TAF4B: variants seen among roughly 807,000 people sequenced by gnomAD.
TAF4B encodes the protein TATA-box binding protein associated factor 4b.
Under a neutral mutation model 86.4 loss-of-function variants are expected in TAF4B, and 38 were observed. The ratio of observed to expected loss-of-function variants is 0.44; its 90% CI spans 0.34 to 0.58. The LOEUF is 0.58. TAF4B is among the 20% of genes least tolerant of loss of function. The probability of loss-of-function intolerance (pLI) is 0.02; values close to 1 mark genes in which losing one functional copy is unlikely to be tolerated. For synonymous variants in TAF4B, 388 were observed against 391.2 expected, an observed-to-expected ratio of 0.99 and a Z score of 0.10; for missense variants, 988 against 1,027.6, an observed-to-expected ratio of 0.96 and a Z score of 0.53.
intron 7 of TAF4B, among the ~76,000 whole-genome samples, chr18:26,288,759 T>C (rs2056557495): frequency 6.6e-6 from 1 of 152,228 alleles, no homozygotes; most frequent in Non-Finnish European, 1.5e-5. Flanking sequence ...TGGAATGTCC[T>C]GAAGCAGGAA....
Position 26,362,102 on chromosome 18 carries a change from A to G in TAF4B, c.2421+4308A>G, listed in dbSNP as rs140163687. ...TTAAATGTTTGCTTTGTGAGAAATC[A>G]TCAGAGCACATGGGATAAGTATATG... On this transcript the variant is annotated intron_variant, in intron 14 of 14. Transcript: ENST00000269142. Among the ~76,000 whole-genome samples, 310 of 152,334 alleles carry G rather than the reference A, an allele frequency of 2.0e-3. 2 individuals carry two copies. Among genetic ancestry groups the G allele is most frequent in the African/African-American group, 7.3e-3 (302 of 41,592 alleles).
chr18:26,275,188 C>T (rs1043833779), intron 5 of TAF4B, 135 bp downstream of exon 5: 20 of 1,031,940 alleles, frequency 1.9e-5, no homozygotes, highest in Non-Finnish European at 2.5e-5. Flanking sequence ...CAGAGTCTCG[C>T]TCTGTTGCCC....
At chr18:26,262,076 A>G (rs1004211522) in intron 1 of TAF4B, among the ~76,000 whole-genome samples, 11 of 152,332 alleles carry the variant, frequency 7.2e-5, no homozygotes, top group African/African-American at 9.6e-5. Flanking sequence ...TTGAGGTCCA[A>G]GTGTTCCCAG....
intron 1 of TAF4B, among the ~76,000 whole-genome samples, chr18:26,263,997 A>C (rs2056205004): frequency 6.6e-6 from 1 of 152,222 alleles, no homozygotes; most frequent in African/African-American, 2.4e-5. Flanking sequence ...TACCCAAAAG[A>C]AAGAAGCTGA....
At chr18:26,265,414 C>T in intron 2 of TAF4B, 99 bp downstream of exon 2, 1 of 1,354,280 alleles carries the variant, frequency 7.4e-7, no homozygotes. Context: ...TAATGTAAGA[C>T]ATGATTCTAT....
At chr18:26,364,337 GTCCTT>G (rs938747034) in intron 14 of TAF4B, among the ~76,000 whole-genome samples, 3 of 152,242 alleles carry the variant, frequency 2.0e-5, no homozygotes, top group African/African-American at 7.2e-5. Flanking sequence ...TTTGAAATGT[GTCCTT>G]TCCTTTTGCT....
Position 26,293,345 on chromosome 18 carries a change from A to T in TAF4B, c.1727-81A>T. The stretch of plus-strand genomic sequence containing the variant: ...TTTCTTTGATTATTCTATATATATA[A>T]AAAACGGTTGTCCTGGATTTTTCCT... On this transcript the variant is annotated intron_variant, in intron 8 of 14. Transcript: ENST00000269142. 7 of 922,356 alleles carry T rather than the reference A, an allele frequency of 7.6e-6. No homozygotes were observed. In the South Asian group the frequency reaches 1.1e-4, roughly 15 times the overall value. 57.1% of individuals were successfully genotyped at this position (922,356 alleles called of 1,614,324 possible). A position where few individuals can be genotyped will look rare whatever the true frequency, so the allele number is the denominator to read the frequency against.
intron 1 of TAF4B, among the ~76,000 whole-genome samples, chr18:26,232,917 CTATAAG>C (rs2055693892): frequency 6.6e-6 from 1 of 152,268 alleles, no homozygotes; most frequent in African/African-American, 2.4e-5. Context: ...ATTCCTAACC[CTATAAG>C]TAGTGGTATT....
intron 13 of TAF4B, among the ~76,000 whole-genome samples, chr18:26,351,365 G>A (rs1462831947): frequency 6.6e-6 from 1 of 152,126 alleles, no homozygotes; most frequent in African/African-American, 2.4e-5. Flanking sequence ...AGGATGGAAA[G>A]GGTCTGGGGG....
rs1434015367 is a variant in TAF4B, at chr18:26,327,905, C to T, written c.2259+765C>T. Reference sequence around the variant, plus strand: ...TGGCCAAGGCTATTTATTTATTTCCCTTCTCCCTTATTTAAACGTTTTCTT... The same window carrying T: ...TGGCCAAGGCTATTTATTTATTTCCTTTCTCCCTTATTTAAACGTTTTCTT... On this transcript the variant is annotated intron_variant, in intron 12 of 14. Transcript: ENST00000269142. Among the ~76,000 whole-genome samples, 5 of 152,250 alleles carry T rather than the reference C, an allele frequency of 3.3e-5. No homozygotes were observed. The East Asian group carries it at 5.8e-4, about 18-fold the overall frequency.
At chr18:26,302,105 A>AG (rs1312970185) in intron 9 of TAF4B, among the ~76,000 whole-genome samples, 2 of 152,130 alleles carry the variant, frequency 1.3e-5, no homozygotes, top group Admixed American at 1.3e-4. Context: ...GATTGTTTTG[A>AG]GGTTACAATG....
At chr18:26,269,528 C>A (rs9962467) in intron 3 of TAF4B, among the ~76,000 whole-genome samples, 140,850 of 152,192 alleles carry the variant, frequency 0.93, 65,564 homozygotes, top group East Asian at 0.99. Flanking sequence ...TTCTTGGAGC[C>A]TGCTACCTGG....
intron 14 of TAF4B, among the ~76,000 whole-genome samples, chr18:26,358,196 A>T (rs935525150): frequency 1.3e-5 from 2 of 152,126 alleles, no homozygotes; most frequent in African/African-American, 2.4e-5. Flanking sequence ...ATTCATTCCC[A>T]TACCAGCTTC....
intron 9 of TAF4B, among the ~76,000 whole-genome samples, chr18:26,296,352 G>C (rs1295770591): frequency 6.6e-6 from 1 of 151,974 alleles, no homozygotes; most frequent in Admixed American, 6.6e-5. Flanking sequence ...TTGATTTATG[G>C]GAACACCTTT....
At chr18:26,335,910 G>T (rs577101365) in intron 13 of TAF4B, among the ~76,000 whole-genome samples, 1 of 152,264 alleles carries the variant, frequency 6.6e-6, no homozygotes, top group East Asian at 1.9e-4. Flanking sequence ...AGAGAAAAAA[G>T]CTCCACTAAT....
intron 1 of TAF4B, among the ~76,000 whole-genome samples, chr18:26,244,635 A>G (rs1383788304): frequency 6.6e-6 from 1 of 152,154 alleles, no homozygotes; most frequent in Non-Finnish European, 1.5e-5. Context: ...TGCAGCAATC[A>G]CCGGTCTTCT....
rs764826705 is a variant in TAF4B at position 26,338,470 on chromosome 18, A to ATTTTTTTT, written c.2316+3255_2316+3262dup. Among the ~76,000 whole-genome samples the ATTTTTTTT allele has an allele frequency of 2.7e-4, 19 of 71,208 alleles. 1 individual carries two copies. The highest frequency in any genetic ancestry group is 1.1e-3 in the East Asian group (2 of 1,876). The allele number at this position is 71,208 out of a possible 152,430, so 46.7% of individuals were successfully genotyped here. ...TCTGTCTCAGAAAAAAAGAACTAGA[A>ATTTTTTTT]TTTTTTTTTTTTTTTTTTTTTTTGG... On this transcript the variant is annotated intron_variant, in intron 13 of 14. Coordinates refer to ENST00000269142, the MANE Select transcript of TAF4B (RefSeq NM_005640.3).
chr18:26,226,948 C>T lies in TAF4B; in HGVS notation c.15C>T (p.Leu5=), dbSNP rs747156924. ...GCCCCTGGGGGATGCCCGCCGGCCT[C>T]ACCGAACCCGCCGGCGCCGCTCCCC... MPAG[L]TEPAGAAPPA... Residue 5 remains leucine, a synonymous_variant, in exon 1 of 15, where the codon CTC becomes CTT. Coordinates refer to ENST00000269142, the MANE Select transcript of TAF4B (RefSeq NM_005640.3). 7 of 1,378,672 alleles carry T rather than the reference C, an allele frequency of 5.1e-6. No homozygotes were observed. The South Asian group carries it at 1.2e-4, about 23-fold the overall frequency. The allele number at this position is 1,378,672 out of a possible 1,614,324, so 85.4% of individuals were successfully genotyped here. A position where few individuals can be genotyped will look rare whatever the true frequency, so the allele number is the denominator to read the frequency against.
chr18:26,340,400 A>G (rs1386755545), intron 13 of TAF4B, among the ~76,000 whole-genome samples: 1 of 152,228 alleles, frequency 6.6e-6, no homozygotes, highest in African/African-American at 2.4e-5. Context: ...GGACAGGGAC[A>G]AATGAAACTT....
Sources: gnomAD v4.1 joint callset for allele counts (sites outside exome capture counted in the v4.1 genomes callset) on GRCh38, gnomAD v4.1.1 for gene constraint, MANE v1.5 for transcripts, NCBI Gene and HGNC (gene_info 2026-07-23, HGNC 2026-07-21) for gene names.